HIP1: variants seen among roughly 807,000 people sequenced by gnomAD.
HIP1 encodes huntingtin interacting protein 1.
HIP1 carries 65 observed loss-of-function variants against 147.6 expected under a neutral mutation model. That is an observed-to-expected ratio of 0.44 (90% confidence interval 0.36 to 0.54). The LOEUF is 0.54. Ranked by LOEUF, HIP1 falls within the 20% of genes least tolerant of loss-of-function variation. The probability of loss-of-function intolerance (pLI) is 0.00; values close to 1 mark genes in which losing one functional copy is unlikely to be tolerated. For missense variants in HIP1, 1,061 were observed against 1,299.6 expected (o/e 0.82, Z 2.82); for synonymous variants, 479 against 504.0 (o/e 0.95, Z 0.67).
chr7:75,671,048 A>G (rs538311774), intron 1 of HIP1, among the ~76,000 whole-genome samples: 35 of 152,154 alleles, frequency 2.3e-4, no homozygotes, highest in African/African-American at 7.2e-4. Flanking sequence ...TAATGTCCTC[A>G]AGGTTCACCC....
At position 75,607,073 on chromosome 7, in the gene HIP1, A is replaced by T. The variant is rs189852335; in HGVS notation, c.121-7826T>A. ...AGCGAGACCCCATCTCTAAAAAAAAATTTTTTTTTAAATAGCCAGGTGTGG... is the reference window on the plus strand; with the variant it reads ...AGCGAGACCCCATCTCTAAAAAAAATTTTTTTTTTAAATAGCCAGGTGTGG... On this transcript the variant is annotated intron_variant, in intron 1 of 30. Transcript: ENST00000336926. Among the ~76,000 whole-genome samples, 28 of 150,996 alleles carry T rather than the reference A, an allele frequency of 1.9e-4. No individual in the cohort carries two copies. In the East Asian group the frequency reaches 2.9e-3, roughly 16 times the overall value.
chr7:75,555,887 C>A, intron 18 of HIP1, 139 bp downstream of exon 18: 1 of 1,035,482 alleles, frequency 9.7e-7, no homozygotes, highest in Non-Finnish European at 1.4e-6. Flanking sequence ...GGCATTACAC[C>A]TACAGAATGT....
chr7:75,581,120 G>T, intron 7 of HIP1, 117 bp downstream of exon 7: 1 of 722,228 alleles, frequency 1.4e-6, no homozygotes, highest in Non-Finnish European at 2.4e-6. Context: ...ACCAGAGATG[G>T]GGTGTGAATG....
chr7:75,687,420 G>A (rs1385312368), intron 1 of HIP1, among the ~76,000 whole-genome samples: 5 of 152,188 alleles, frequency 3.3e-5, no homozygotes, highest in South Asian at 4.1e-4. Flanking sequence ...GGCCGGGCAC[G>A]GTGGCTCATG....
chr7:75,571,593 A>AT (rs1169722077), intron 8 of HIP1, among the ~76,000 whole-genome samples: 4 of 151,840 alleles, frequency 2.6e-5, no homozygotes, highest in African/African-American at 4.8e-5. Context: ...TATTTATTTT[A>AT]TTTTTTTTAG....
At chr7:75,555,064 G>A in intron 19 of HIP1, among the ~76,000 whole-genome samples, 1 of 151,868 alleles carries the variant, frequency 6.6e-6, no homozygotes, top group Non-Finnish European at 1.5e-5. Context: ...TTGCGTGCCT[G>A]TAGTCCCAGC....
intron 2 of HIP1, among the ~76,000 whole-genome samples, chr7:75,595,564 G>T (rs782686011): frequency 6.6e-6 from 1 of 151,798 alleles, no homozygotes; most frequent in Non-Finnish European, 1.5e-5. Flanking sequence ...GGCTGGTCTC[G>T]AACTCCTGGC....
chr7:75,563,026 G>A lies in HIP1; in HGVS notation c.929C>T (p.Pro310Leu). 6.2e-7 allele frequency: 1 copy of A among 1,614,214 alleles called. No individual in the cohort carries two copies. The highest frequency in any genetic ancestry group is 1.1e-5 in the South Asian group (1 of 91,086). The stretch of plus-strand genomic sequence containing the variant: ...GGCCTCTGCAGGGATCACCACCACA[G>A]GGCTGATATGTTCTGACAGGGCTGA... ...RASALSEHIS[P>L]VVVIPAEASS... The change falls in exon 11 of 31, where the codon CCT (proline) becomes CTT (leucine). Residue 310 changes from proline (P) to leucine (L), a missense_variant. Coordinates refer to ENST00000336926, the MANE Select transcript of HIP1 (RefSeq NM_005338.7).
chr7:75,626,737 C>G (rs1182422659), intron 1 of HIP1: 2 of 152,066 alleles, frequency 1.3e-5, no homozygotes, highest in Non-Finnish European at 2.9e-5. Flanking sequence ...TCTACAAAAC[C>G]GTATTATGGT....
chr7:75,700,729 G>A (rs1249105980), intron 1 of HIP1, among the ~76,000 whole-genome samples: 4 of 150,192 alleles, frequency 2.7e-5, no homozygotes, highest in Admixed American at 1.3e-4. Context: ...TTTTTGAGAC[G>A]GAGTCTTGCT....
At chr7:75,682,509 T>C (rs1481284423) in intron 1 of HIP1, among the ~76,000 whole-genome samples, 1 of 151,258 alleles carries the variant, frequency 6.6e-6, no homozygotes, top group South Asian at 2.1e-4. Flanking sequence ...ATCCTTCTGC[T>C]TCAGCCTCCC....
chr7:75,609,173 T>C (rs1301433433), intron 1 of HIP1, among the ~76,000 whole-genome samples: 4 of 152,068 alleles, frequency 2.6e-5, no homozygotes, highest in African/African-American at 9.7e-5. Context: ...CCTGCAGCTC[T>C]GGGGGGGCTC....
intron 16 of HIP1, 123 bp from the exon 17 acceptor site, chr7:75,556,934 C>G (rs1215522538): frequency 3.3e-6 from 2 of 603,670 alleles, no homozygotes; most frequent in East Asian, 5.6e-5. Context: ...TAAGTTACAC[C>G]CCCCCAAAAA....
chr7:75,711,816 C>G (rs1013715042), intron 1 of HIP1, among the ~76,000 whole-genome samples: 1 of 152,116 alleles, frequency 6.6e-6, no homozygotes, highest in Non-Finnish European at 1.5e-5. Flanking sequence ...TCCCTTATCA[C>G]CTGCTGCTTG....
In HIP1 at chr7:75,538,028, G is replaced by A. The variant is rs1794151902; in HGVS notation, c.*144C>T. The stretch of plus-strand genomic sequence containing the variant: ...GTCGCTATGGAGGGAGTCTTTGGAA[G>A]TGTCATGCATGTCCTCGGCACTGGG... On this transcript the variant is annotated 3_prime_UTR_variant, in exon 31 of 31. Transcript: ENST00000336926. 3 of 726,516 alleles carry A rather than the reference G, an allele frequency of 4.1e-6. No homozygotes were observed. Among genetic ancestry groups the A allele is most frequent in the Admixed American group, 3.9e-5 (2 of 51,052 alleles). The allele number at this position is 726,516 out of a possible 1,614,324, so 45.0% of individuals were successfully genotyped here.
At position 75,609,014 on chromosome 7, in the gene HIP1, G is replaced by T. The variant is rs372903056; in HGVS notation, c.121-9767C>A. Among the ~76,000 whole-genome samples the T allele has an allele frequency of 1.4e-3, 208 of 152,250 alleles. 1 individual carries two copies. The highest frequency in any genetic ancestry group is 4.7e-3 in the African/African-American group (194 of 41,558). On this transcript the variant is annotated intron_variant, in intron 1 of 30. Transcript: ENST00000336926. ...CTAAGGAAAGTGGGGAACACCGTGG[G>T]AGTCACCGCCTCCCAGTATGAATCC...
chr7:75,658,727 C>T (rs369208849), intron 1 of HIP1, among the ~76,000 whole-genome samples: 1 of 151,980 alleles, frequency 6.6e-6, no homozygotes, highest in African/African-American at 2.4e-5. Context: ...ACCAGCCTGG[C>T]AACGCGGCAA....
chr7:75,616,849 T>A (rs116595021), intron 1 of HIP1, among the ~76,000 whole-genome samples: 1 of 152,156 alleles, frequency 6.6e-6, no homozygotes, highest in Admixed American at 6.6e-5. Context: ...GGGAGGTATA[T>A]GTCAGGCACA....
At position 75,634,130 on chromosome 7, in the gene HIP1, C is replaced by G. The variant is rs181559674; in HGVS notation, c.121-34883G>C. On this transcript the variant is annotated intron_variant, in intron 1 of 30. Coordinates refer to ENST00000336926, the MANE Select transcript of HIP1 (RefSeq NM_005338.7). ...AAGGCAGTCAAACATGGTGGTGGTG[C>G]CTGCCTGTTGTCCCAGCTACTTGGG... Among the ~76,000 whole-genome samples the G allele has an allele frequency of 2.0e-5, 3 of 152,124 alleles. No individual in the cohort carries two copies. The East Asian group carries it at 5.8e-4, about 29-fold the overall frequency.
Sources: gnomAD v4.1 joint callset for allele counts (sites outside exome capture counted in the v4.1 genomes callset) on GRCh38, gnomAD v4.1.1 for gene constraint, MANE v1.5 for transcripts, NCBI Gene and HGNC (gene_info 2026-07-23, HGNC 2026-07-21) for gene names.